Variants in HYAL4 observed in about 807,000 individuals in gnomAD.
The protein encoded by HYAL4 is hyaluronidase 4, also known as hyaluronidase-4.
In HYAL4, 37 loss-of-function variants were observed where a neutral mutation model predicts 35.2. The ratio of observed to expected loss-of-function variants is 1.05; its 90% CI spans 0.81 to 1.38. The LOEUF (loss-of-function observed/expected upper bound fraction) is 1.38. Ranked by LOEUF, HYAL4 falls within the 40% of genes most tolerant of loss-of-function variation. HYAL4 has a pLI of 0.00. For missense variants in HYAL4, 572 were observed against 572.4 expected, an observed-to-expected ratio of 1.00 and a Z score of 0.01; for synonymous variants, 198 against 203.2, an observed-to-expected ratio of 0.97 and a Z score of 0.22.
chr7:123,866,864 C>A (rs1806700332), intron 2 of HYAL4, among the ~76,000 whole-genome samples: 1 of 139,256 alleles, frequency 7.2e-6, no homozygotes. Context: ...GATCTTGGTT[C>A]ACTGCAACCG....
At chr7:123,866,450 G>T (rs1806688540) in intron 2 of HYAL4, among the ~76,000 whole-genome samples, 1 of 152,158 alleles carries the variant, frequency 6.6e-6, no homozygotes, top group Non-Finnish European at 1.5e-5. Context: ...GGACATTTTG[G>T]CTTATTTAAT....
Position 123,874,830 on chromosome 7 carries a change from A to C in HYAL4, c.1024A>C (p.Met342Leu), listed in dbSNP as rs780324955. The C allele has an allele frequency of 1.9e-6, 3 of 1,601,472 alleles. No individual in the cohort carries two copies. In the Admixed American group the frequency reaches 5.0e-5, roughly 27 times the overall value. Residue 342 changes from methionine to leucine, a missense_variant, in exon 4 of 5, where the codon ATG (methionine) becomes CTG (leucine). By Grantham distance (15) the Met-to-Leu change is conservative. Coordinates refer to ENST00000223026, the MANE Select transcript of HYAL4 (RefSeq NM_012269.3). ...GAAGIVIWGD[M>L]NLTASKANCT... ...TGCAGGCATTGTTATTTGGGGAGAC[A>C]TGAATTTAACTGCATCCAAGGTAAG... is the stretch of plus-strand genomic sequence containing the variant.
At chr7:123,846,406 C>T (rs1806174880) in intron 1 of HYAL4, among the ~76,000 whole-genome samples, 1 of 152,008 alleles carries the variant, frequency 6.6e-6, no homozygotes, top group Non-Finnish European at 1.5e-5. Flanking sequence ...CTGTGTCATG[C>T]AGGTTGTCAG....
At chr7:123,825,886 A>C (rs932290531), upstream of HYAL4, among the ~76,000 whole-genome samples, 1 of 152,056 alleles carries the variant, frequency 6.6e-6, no homozygotes, top group Non-Finnish European at 1.5e-5. Flanking sequence ...ATTGCTTTCT[A>C]AAAAATTATT....
At chr7:123,780,600 G>T in the HYAL4 span, among the ~76,000 whole-genome samples, 26 of 152,158 alleles carry the variant, frequency 1.7e-4, no homozygotes, top group Non-Finnish European at 2.5e-4. Flanking sequence ...AGTAGTTTTA[G>T]AACTCTCCCT....
At chr7:123,770,655 G>C in the HYAL4 span, among the ~76,000 whole-genome samples, 1 of 152,080 alleles carries the variant, frequency 6.6e-6, no homozygotes, top group African/African-American at 2.4e-5. Context: ...TAGTCATGGA[G>C]AGGAGTGTTG....
chr7:123,785,803 C>T, the HYAL4 span, among the ~76,000 whole-genome samples: 1 of 152,120 alleles, frequency 6.6e-6, no homozygotes, highest in Admixed American at 6.5e-5. The surrounding 1 kb of genome is among the most constrained non-coding windows in gnomAD (Gnocchi z 4.5). Context: ...TGAGTGCCAA[C>T]CTATAAAAAT....
the HYAL4 span, among the ~76,000 whole-genome samples, chr7:123,789,481 A>G: frequency 4.5e-4 from 68 of 152,326 alleles, 1 homozygote; most frequent in Middle Eastern, 6.8e-3. Flanking sequence ...TTCAAACAAT[A>G]GTGAATAGTC....
the HYAL4 span, among the ~76,000 whole-genome samples, chr7:123,810,592 C>T: frequency 6.6e-6 from 1 of 152,212 alleles, no homozygotes; most frequent in Non-Finnish European, 1.5e-5. Context: ...TCCCTGACAT[C>T]ACAACCTTCC....
chr7:123,829,414 A>G (rs1805847815), intron 1 of HYAL4, among the ~76,000 whole-genome samples: 1 of 152,162 alleles, frequency 6.6e-6, no homozygotes, highest in Non-Finnish European at 1.5e-5. Flanking sequence ...AACAGTAGCA[A>G]GTGTTGATTT....
At chr7:123,809,986 A>C in the HYAL4 span, among the ~76,000 whole-genome samples, 1 of 152,200 alleles carries the variant, frequency 6.6e-6, no homozygotes, top group Non-Finnish European at 1.5e-5. Flanking sequence ...AGATTTTAGC[A>C]CTTCAGTCAC....
At chr7:123,778,244 A>G in the HYAL4 span, among the ~76,000 whole-genome samples, 2 of 152,066 alleles carry the variant, frequency 1.3e-5, no homozygotes, top group East Asian at 3.9e-4. Context: ...AGTTGCAGGC[A>G]TTATACTTCT....
At chr7:123,835,909 T>C (rs13237264) in intron 1 of HYAL4, among the ~76,000 whole-genome samples, 17,482 of 152,208 alleles carry the variant, frequency 0.11, 1,340 homozygotes, top group South Asian at 0.18. Context: ...GGAGTTGATT[T>C]CCAGTTTTAT....
intron 1 of HYAL4, among the ~76,000 whole-genome samples, chr7:123,847,168 A>T (rs1461614215): frequency 6.6e-6 from 1 of 152,098 alleles, no homozygotes; most frequent in African/African-American, 2.4e-5. Context: ...GTCTGCCATG[A>T]TTTCCTAGAA....
At chr7:123,790,398 C>T in the HYAL4 span, among the ~76,000 whole-genome samples, 2 of 152,058 alleles carry the variant, frequency 1.3e-5, no homozygotes, top group Non-Finnish European at 2.9e-5. Flanking sequence ...CTAGAAGTGG[C>T]ACAGCTGATG....
rs1275203379 is a variant in HYAL4, at chr7:123,869,023, G to C, written c.750G>C (p.Trp250Cys). 2 of 1,614,002 alleles carry C rather than the reference G, an allele frequency of 1.2e-6. No individual in the cohort carries two copies. The highest frequency in any genetic ancestry group is 2.7e-5 in the African/African-American group (2 of 74,920). ...TCTTGAGGAACAATGAGCTCTCTTG[G>C]CTCTGGAACAGCAGTGCTGCTTTAT... Reference protein sequence around the residue: ...DEVLRNNELSWLWNSSAALYP... With the variant: ...DEVLRNNELSCLWNSSAALYP... The change falls in exon 3 of 5, where the codon TGG becomes TGC. Residue 250 changes from tryptophan (W) to cysteine (C), a missense_variant. Coordinates refer to ENST00000223026, the MANE Select transcript of HYAL4 (RefSeq NM_012269.3).
At chr7:123,794,191 A>G in the HYAL4 span, among the ~76,000 whole-genome samples, 1 of 152,178 alleles carries the variant, frequency 6.6e-6, no homozygotes, top group Non-Finnish European at 1.5e-5. Flanking sequence ...TGAACTTGAG[A>G]GAGATGATTT....
At chr7:123,841,215 C>T (rs1016121692), upstream of HYAL4, among the ~76,000 whole-genome samples, 22 of 152,000 alleles carry the variant, frequency 1.4e-4, no homozygotes, top group African/African-American at 3.9e-4. Context: ...TGAATTTTGT[C>T]GAAGGCCTTT....
At chr7:123,871,340 C>T (rs536121624) in intron 3 of HYAL4, among the ~76,000 whole-genome samples, 124 of 152,002 alleles carry the variant, frequency 8.2e-4, no homozygotes, top group African/African-American at 2.6e-3. Flanking sequence ...ACACTGCATG[C>T]GCCGCCATGC....
Sources: allele counts gnomAD v4.1 joint callset (sites outside exome capture counted in the v4.1 genomes callset), GRCh38; gene constraint gnomAD v4.1.1; non-coding constraint Gnocchi (gnomAD v3.1); transcripts MANE v1.5; gene names NCBI Gene and HGNC (gene_info 2026-07-23, HGNC 2026-07-21).